CAMKMT: variants seen among roughly 807,000 people sequenced by gnomAD.
CAMKMT encodes CaM KMT.
A neutral mutation model predicts 48.0 loss-of-function variants in CAMKMT; 53 were observed. That is an observed-to-expected ratio of 1.10 (90% CI 0.89 to 1.39). CAMKMT has a LOEUF of 1.39. Ranked by LOEUF, CAMKMT falls within the 40% of genes most tolerant of loss-of-function variation. The probability of loss-of-function intolerance (pLI) is 0.00; values close to 1 mark genes in which losing one functional copy is unlikely to be tolerated. For missense variants in CAMKMT, 428 were observed against 402.7 expected (o/e 1.06, Z -0.54); for synonymous variants, 165 against 152.3 (o/e 1.08, Z -0.61).
chr2:44,375,097 C>G (rs930079885), intron 2 of CAMKMT, among the ~76,000 whole-genome samples: 1 of 151,992 alleles, frequency 6.6e-6, no homozygotes, highest in African/African-American at 2.4e-5. Flanking sequence ...TGCCACTGCA[C>G]TCCAGTTTGG....
chr2:44,752,599 A>G (rs1034316346), intron 8 of CAMKMT, among the ~76,000 whole-genome samples: 11 of 151,968 alleles, frequency 7.2e-5, no homozygotes, highest in South Asian at 2.1e-4. Context: ...TTCTGCTGCT[A>G]TAACAGAATA....
At chr2:44,700,893 A>G (rs1418724055) in intron 3 of CAMKMT, among the ~76,000 whole-genome samples, 3 of 152,250 alleles carry the variant, frequency 2.0e-5, no homozygotes, top group Non-Finnish European at 4.4e-5. Context: ...TCTACAAAGC[A>G]CAATAAAGAA....
chr2:44,587,961 T>A (rs1047193442), intron 3 of CAMKMT, among the ~76,000 whole-genome samples: 1 of 121,416 alleles, frequency 8.2e-6, no homozygotes, highest in Non-Finnish European at 1.8e-5. Context: ...ATGAGGAGCC[T>A]CTCTGCCTGG....
intron 3 of CAMKMT, among the ~76,000 whole-genome samples, chr2:44,523,547 G>A (rs1294583285): frequency 3.3e-5 from 5 of 151,624 alleles, no homozygotes; most frequent in East Asian, 2.0e-4. Flanking sequence ...CACCCACCTC[G>A]GCCTCCCAAA....
intron 3 of CAMKMT, among the ~76,000 whole-genome samples, chr2:44,701,311 T>G (rs1482672062): frequency 2.0e-5 from 3 of 152,226 alleles, no homozygotes; most frequent in Non-Finnish European, 4.4e-5. Context: ...AACCTGACTA[T>G]TTGATTGTAG....
intron 3 of CAMKMT, among the ~76,000 whole-genome samples, chr2:44,473,601 C>G (rs1373718433): frequency 6.6e-6 from 1 of 152,196 alleles, no homozygotes; most frequent in Non-Finnish European, 1.5e-5. Context: ...TGAAACCTTT[C>G]CATCCATGAC....
chr2:44,390,708 C>T (rs1279409908), intron 3 of CAMKMT, among the ~76,000 whole-genome samples: 1 of 152,106 alleles, frequency 6.6e-6, no homozygotes, highest in African/African-American at 2.4e-5. Context: ...CCATTCCCTG[C>T]TTCTTTACTT....
At chr2:44,362,478 C>G (rs1456775897) in intron 1 of CAMKMT, among the ~76,000 whole-genome samples, 1 of 151,248 alleles carries the variant, frequency 6.6e-6, no homozygotes, top group Non-Finnish European at 1.5e-5. Context: ...CCCCACTGCT[C>G]TTTTCCTGCT....
At chr2:44,747,417 A>G (rs1008687486) in intron 8 of CAMKMT, among the ~76,000 whole-genome samples, 1 of 152,182 alleles carries the variant, frequency 6.6e-6, no homozygotes, top group Non-Finnish European at 1.5e-5. Context: ...TCGCCCAAAT[A>G]TAGTCAGCCC....
intron 3 of CAMKMT, among the ~76,000 whole-genome samples, chr2:44,662,434 G>C (rs1674731624): frequency 1.3e-5 from 2 of 152,164 alleles, no homozygotes; most frequent in African/African-American, 4.8e-5. Context: ...TGTGTTTACT[G>C]TCAATGGAAA....
intron 3 of CAMKMT, among the ~76,000 whole-genome samples, chr2:44,670,503 T>C (rs1675264125): frequency 6.6e-6 from 1 of 151,722 alleles, no homozygotes; most frequent in Non-Finnish European, 1.5e-5. Context: ...ACAATAAAAA[T>C]TAGTTGGGCA....
intron 3 of CAMKMT, among the ~76,000 whole-genome samples, chr2:44,613,325 C>T (rs773136349): frequency 3.3e-5 from 5 of 152,162 alleles, no homozygotes; most frequent in Non-Finnish European, 5.9e-5. Context: ...CCATACCCCA[C>T]CTCTCAGGCT....
intron 3 of CAMKMT, among the ~76,000 whole-genome samples, chr2:44,588,030 G>A (rs1238797776): frequency 9.8e-5 from 14 of 143,216 alleles, no homozygotes; most frequent in African/African-American, 2.6e-4. Flanking sequence ...TCTAGGAAGC[G>A]AGGAGCGCCT....
chr2:44,467,393 A>T lies in CAMKMT; in HGVS notation c.376+77088A>T, dbSNP rs1427208368. Among the ~76,000 whole-genome samples the T allele has an allele frequency of 3.3e-5, 5 of 152,056 alleles. No homozygotes were observed. The East Asian group carries it at 7.7e-4, about 23-fold the overall frequency. ...CTAAAAATACAAAAATTAGCCAGGC[A>T]TGGTGGTGGGTGCCTGTAATCCCAG... On this transcript the variant is annotated intron_variant, in intron 3 of 10. Coordinates refer to ENST00000378494, the MANE Select transcript of CAMKMT (RefSeq NM_024766.5).
chr2:44,642,933 G>T (rs939389145), intron 3 of CAMKMT, among the ~76,000 whole-genome samples: 2 of 152,080 alleles, frequency 1.3e-5, no homozygotes, highest in Non-Finnish European at 2.9e-5. Flanking sequence ...TTGAGTGTCC[G>T]CTGTGTTTAT....
chr2:44,750,484 C>T (rs754928879), intron 8 of CAMKMT, among the ~76,000 whole-genome samples: 5 of 152,238 alleles, frequency 3.3e-5, no homozygotes, highest in African/African-American at 4.8e-5. Flanking sequence ...AAAAAGACAT[C>T]GTTGTCAATT....
At chr2:44,547,125 T>A (rs1160250663) in intron 3 of CAMKMT, among the ~76,000 whole-genome samples, 1 of 152,196 alleles carries the variant, frequency 6.6e-6, no homozygotes, top group East Asian at 1.9e-4. Flanking sequence ...TTGTTATTGT[T>A]ATTTTCTGTA....
chr2:44,371,986 G>A (rs1371287258), intron 1 of CAMKMT, among the ~76,000 whole-genome samples: 2 of 152,102 alleles, frequency 1.3e-5, no homozygotes, highest in East Asian at 3.8e-4. Flanking sequence ...TATTCATTAT[G>A]CTAAAACATA....
chr2:44,629,184 G>C (rs903948913), intron 3 of CAMKMT, among the ~76,000 whole-genome samples: 4 of 152,034 alleles, frequency 2.6e-5, no homozygotes, highest in Middle Eastern at 3.2e-3. Flanking sequence ...TCTGCTTCAT[G>C]TATTTTGAAG....
Sources: gnomAD v4.1 joint callset for allele counts (sites outside exome capture counted in the v4.1 genomes callset) on GRCh38, gnomAD v4.1.1 for gene constraint, MANE v1.5 for transcripts, NCBI Gene and HGNC (gene_info 2026-07-23, HGNC 2026-07-21) for gene names.